The following KCTD19 variants were observed in gnomAD, a reference collection of about 807,000 sequenced individuals.
KCTD19 encodes BTB/POZ domain-containing protein KCTD19.
In KCTD19, 67 loss-of-function variants were observed where a neutral mutation model predicts 103.5. The observed-to-expected ratio is 0.65, with a 90% CI of 0.53 to 0.79. The LOEUF is 0.79. KCTD19 is among the 30% of genes least tolerant of loss of function. The pLI, the probability that KCTD19 is intolerant of heterozygous loss-of-function variation, is 0.00. For missense variants in KCTD19, 980 were observed against 1,136.1 expected (o/e 0.86, Z 1.98); for synonymous variants, 439 against 452.2 (o/e 0.97, Z 0.37).
chr16:67,292,215 T>C (rs1211631170), intron 12 of KCTD19, among the ~76,000 whole-genome samples: 1 of 152,160 alleles, frequency 6.6e-6, no homozygotes. Flanking sequence ...GCAGGGACTC[T>C]CCTTAAGCCA....
In KCTD19 at chr16:67,299,357, C is replaced by A. The variant is rs938448685; in HGVS notation, c.986+6G>T. 4.3e-6 allele frequency: 7 copies of A among 1,613,858 alleles called. No individual in the cohort carries two copies. The highest frequency in any genetic ancestry group is 5.9e-6 in the Non-Finnish European group (7 of 1,179,838). ...GGGACTCAGTGTGCCCTAAGGAGGA[C>A]CTCACTTGACGTGCTGAAAGAGGAC... On this transcript the variant is annotated splice_donor_region_variant and intron_variant, in intron 6 of 15. Transcript: ENST00000304372.
rs543553012 is a variant in KCTD19, at chr16:67,303,750, G to A, written c.452-413C>T. On this transcript the variant is annotated intron_variant, in intron 3 of 15. Coordinates refer to ENST00000304372, the MANE Select transcript of KCTD19 (RefSeq NM_001100915.3). This position sits in a 1 kb window ranked among gnomAD's most constrained non-coding sequence, Gnocchi z 4.3. ...TTCAGTAGAGACGGGGTTTCACCAT[G>A]TTGTCAGGCTGGTCTCGAACTCCTG... 6.6e-6 allele frequency among the ~76,000 whole-genome samples: 1 copy of A among 152,108 alleles called. No individual in the cohort carries two copies. Among genetic ancestry groups the A allele is most frequent in the South Asian group, 2.1e-4 (1 of 4,810 alleles).
intron 15 of KCTD19, 51 bp from the exon 16 acceptor site, chr16:67,289,733 C>G (rs1265713717): frequency 1.4e-6 from 2 of 1,379,422 alleles, no homozygotes; most frequent in Non-Finnish European, 2.1e-6. Flanking sequence ...GTTGTCTACT[C>G]TAGCTCCATG....
chr16:67,302,293 C>A (rs2036842831), intron 4 of KCTD19: 1 of 212,846 alleles, frequency 4.7e-6, no homozygotes, highest in Non-Finnish European at 9.4e-6. Context: ...CCCGGCCGAG[C>A]CTGGGCTGGC....
chr16:67,321,627 C>G (rs1286696432), intron 1 of KCTD19: 2 of 151,768 alleles, frequency 1.3e-5, no homozygotes, highest in Admixed American at 1.3e-4. Context: ...AAAAGGAGAA[C>G]GTTTAAGAAG....
chr16:67,319,227 G>GAAA (rs941399154), intron 2 of KCTD19, among the ~76,000 whole-genome samples: 1 of 104,748 alleles, frequency 9.5e-6, no homozygotes. Flanking sequence ...CCATCTCGAA[G>GAAA]AAAAAAAAAA....
Position 67,299,585 on chromosome 16 carries a change from A to G in KCTD19, c.776-12T>C. The G allele has an allele frequency of 6.2e-7, 1 of 1,606,598 alleles. No individual in the cohort carries two copies. Among genetic ancestry groups the G allele is most frequent in the Non-Finnish European group, 8.5e-7 (1 of 1,178,070 alleles). ...CGGGGAACAGCCACCTGTGTCAGAG[A>G]GAAAGGGGTGACTCCTAGGCCCCCC... On this transcript the variant is annotated splice_polypyrimidine_tract_variant and intron_variant, in intron 5 of 15. Transcript: ENST00000304372.
At chr16:67,294,244 A>C (rs1008486715) in intron 11 of KCTD19, 73 bp from the exon 12 acceptor site, 35 of 1,445,272 alleles carry the variant, frequency 2.4e-5, no homozygotes, top group Admixed American at 4.0e-5. Flanking sequence ...AGATCTAATA[A>C]GCTGGGCCTC....
chr16:67,296,296 G>T, intron 7 of KCTD19, 37 bp from the exon 8 acceptor site: 1 of 1,320,482 alleles, frequency 7.6e-7, no homozygotes, highest in South Asian at 1.2e-5. Context: ...ATCATCATAT[G>T]GCCAGAAGGG....
intron 6 of KCTD19, 26 bp from the exon 7 acceptor site, chr16:67,297,689 A>G (rs1450706459): frequency 1.9e-6 from 3 of 1,610,612 alleles, no homozygotes; most frequent in Non-Finnish European, 2.5e-6. Flanking sequence ...GTCTGTCATG[A>G]AGAACATCAG....
At chr16:67,309,827 G>C (rs147981232) in intron 2 of KCTD19, among the ~76,000 whole-genome samples, 54 of 152,326 alleles carry the variant, frequency 3.5e-4, no homozygotes, top group Non-Finnish European at 6.3e-4. Flanking sequence ...TTTGAGAGGA[G>C]ATGTGCTAGT....
At chr16:67,317,710 T>C (rs1018169624) in intron 2 of KCTD19, among the ~76,000 whole-genome samples, 5 of 152,190 alleles carry the variant, frequency 3.3e-5, no homozygotes, top group African/African-American at 1.2e-4. Flanking sequence ...TTCTTTTTAC[T>C]GTTTTAGATG....
Position 67,293,441 on chromosome 16 carries a change from G to T in KCTD19, c.2218+103C>A. On this transcript the variant is annotated intron_variant, in intron 12 of 15. Coordinates refer to ENST00000304372, the MANE Select transcript of KCTD19 (RefSeq NM_001100915.3). The surrounding 1 kb of genome is among the most constrained non-coding windows in gnomAD (Gnocchi z 4.0). ...ACAGAGATGGCATTGGTGAGCGGGG[G>T]GGTCTAGTCCTCCTTTGTCACTAAC... The T allele has an allele frequency of 7.9e-7, 1 of 1,268,842 alleles. No homozygotes were observed. The highest frequency in any genetic ancestry group is 1.1e-6 in the Non-Finnish European group (1 of 906,044). The allele number at this position is 1,268,842 out of a possible 1,614,324, so 78.6% of individuals were successfully genotyped here.
rs2037096201 is a variant in KCTD19 at position 67,323,352 on chromosome 16, ATTGT to A, written c.4-2471_4-2468del. On this transcript the variant is annotated intron_variant, in intron 1 of 15. Transcript: ENST00000304372. The surrounding 1 kb of genome is among the most constrained non-coding windows in gnomAD (Gnocchi z 4.1). Reference sequence around the variant, plus strand: ...ATGTAGTATATCCACACAATGGAATATTGTTTGTCAATACGAAGGAATGGGATGA... The same window carrying A: ...ATGTAGTATATCCACACAATGGAATATTGTCAATACGAAGGAATGGGATGA... Among the ~76,000 whole-genome samples the A allele has an allele frequency of 6.6e-6, 1 of 152,160 alleles. No homozygotes were observed. Among genetic ancestry groups the A allele is most frequent in the African/African-American group, 2.4e-5 (1 of 41,420 alleles).
At chr16:67,318,749 A>G (rs1249214924) in intron 2 of KCTD19, among the ~76,000 whole-genome samples, 2 of 152,116 alleles carry the variant, frequency 1.3e-5, no homozygotes, top group African/African-American at 2.4e-5. Context: ...CTTCTACCTC[A>G]AAATGATGCC....
intron 2 of KCTD19, among the ~76,000 whole-genome samples, chr16:67,308,848 G>T (rs2142514217): frequency 6.6e-6 from 1 of 152,146 alleles, no homozygotes; most frequent in East Asian, 1.9e-4. Flanking sequence ...AAAATGGAGG[G>T]CTAGCCAGGT....
At position 67,299,455 on chromosome 16, in the gene KCTD19, CG is replaced by C. The variant is rs772575780; in HGVS notation, c.893del (p.Pro298ArgfsTer14). 4 of 1,614,096 alleles carry C rather than the reference CG, an allele frequency of 2.5e-6. No homozygotes were observed. The highest frequency in any genetic ancestry group is 3.4e-6 in the Non-Finnish European group (4 of 1,180,042). On this transcript the variant is annotated frameshift_variant, in exon 6 of 16. Transcript: ENST00000304372. LOFTEE classifies it high-confidence loss of function. ...TMALGLLVKY[P>X]DSALGQLRIE... ...TGCGAAGCTGGCCCAGCGCAGAGTC[CG>C]GGTACTTGACCAGCAGACCCAGGGC...
intron 11 of KCTD19, 137 bp downstream of exon 11, chr16:67,294,443 C>A (rs917827773): frequency 2.9e-6 from 2 of 687,404 alleles, no homozygotes; most frequent in Non-Finnish European, 5.0e-6. Flanking sequence ...GAAGCCAGGT[C>A]CTGTCCTAGG....
At chr16:67,318,746 C>A (rs1180818926) in intron 2 of KCTD19, among the ~76,000 whole-genome samples, 1 of 151,918 alleles carries the variant, frequency 6.6e-6, no homozygotes, top group Non-Finnish European at 1.5e-5. Flanking sequence ...TCCCTTCTAC[C>A]TCAAAATGAT....
Sources: gnomAD v4.1 joint callset for allele counts (sites outside exome capture counted in the v4.1 genomes callset) on GRCh38, gnomAD v4.1.1 for gene constraint, Gnocchi (gnomAD v3.1) non-coding constraint, MANE v1.5 for transcripts, NCBI Gene and HGNC (gene_info 2026-07-23, HGNC 2026-07-21) for gene names.